The following ZNF385D variants were observed in gnomAD, a reference collection of about 807,000 sequenced individuals.
ZNF385D encodes the protein zinc finger protein 659.
Under a neutral mutation model 35.8 loss-of-function variants are expected in ZNF385D, and 15 were observed. That is an observed-to-expected ratio of 0.42 (90% CI 0.28 to 0.64). ZNF385D has a LOEUF of 0.64. Among genes scored for constraint, ZNF385D ranks in the 30% least tolerant of loss-of-function variants. The probability of loss-of-function intolerance (pLI) is 0.23; values close to 1 mark genes in which losing one functional copy is unlikely to be tolerated. For missense variants in ZNF385D, 474 were observed against 494.6 expected, an observed-to-expected ratio of 0.96 and a Z score of 0.39; for synonymous variants, 212 against 186.8, an observed-to-expected ratio of 1.13 and a Z score of -1.10.
At chr3:22,268,363 A>G (rs1010633442) in intron 2 of ZNF385D, among the ~76,000 whole-genome samples, 2 of 152,050 alleles carry the variant, frequency 1.3e-5, no homozygotes, top group African/African-American at 4.8e-5. Context: ...TTAATTATAA[A>G]TGTTATAGTA....
chr3:22,320,722 A>T (rs1575112998), intron 2 of ZNF385D, among the ~76,000 whole-genome samples: 1 of 151,430 alleles, frequency 6.6e-6, no homozygotes, highest in South Asian at 2.1e-4. Flanking sequence ...ACTTTCTTTG[A>T]GGAATATTAT....
chr3:22,184,239 T>C (rs1238473768), intron 2 of ZNF385D, among the ~76,000 whole-genome samples: 1 of 152,164 alleles, frequency 6.6e-6, no homozygotes. Context: ...TCCAATGCAA[T>C]AAATCCTGGC....
chr3:21,913,899 G>C (rs1003127411), intron 3 of ZNF385D, among the ~76,000 whole-genome samples: 13 of 152,182 alleles, frequency 8.5e-5, no homozygotes, highest in African/African-American at 3.1e-4. Context: ...TTTGTTGGTT[G>C]GTTATTTTTG....
intron 2 of ZNF385D, among the ~76,000 whole-genome samples, chr3:21,644,202 C>A (rs927640232): frequency 1.3e-5 from 2 of 152,124 alleles, no homozygotes; most frequent in African/African-American, 4.8e-5. Context: ...CACCAAACTT[C>A]TACATAAAGA....
intron 3 of ZNF385D, among the ~76,000 whole-genome samples, chr3:21,560,607 A>G (rs536039786): frequency 6.6e-6 from 1 of 152,282 alleles, no homozygotes; most frequent in Middle Eastern, 3.4e-3. Context: ...TCTCCCAATC[A>G]GGAGACATGG....
At chr3:21,640,524 G>A (rs1040244405) in intron 2 of ZNF385D, among the ~76,000 whole-genome samples, 5 of 152,052 alleles carry the variant, frequency 3.3e-5, no homozygotes, top group Non-Finnish European at 7.4e-5. Flanking sequence ...AATCAGGAGG[G>A]TGGAGCCCCC....
At chr3:21,545,239 T>C (rs995937324) in intron 3 of ZNF385D, among the ~76,000 whole-genome samples, 1 of 152,222 alleles carries the variant, frequency 6.6e-6, no homozygotes, top group Non-Finnish European at 1.5e-5. Context: ...GCTATAGAAC[T>C]TTAACAGGTG....
At chr3:22,247,615 T>TTTTATTTATTTA (rs71266432) in intron 2 of ZNF385D, among the ~76,000 whole-genome samples, 4,459 of 148,266 alleles carry the variant, frequency 0.03, 162 homozygotes, top group African/African-American at 0.074. Context: ...CATTTTACAA[T>TTTTATTTATTTA]TTTATTTATT....
intron 3 of ZNF385D, among the ~76,000 whole-genome samples, chr3:21,514,055 A>AT (rs1200750263): frequency 2.0e-5 from 3 of 151,972 alleles, no homozygotes; most frequent in Non-Finnish European, 2.9e-5. Flanking sequence ...TTACTGAGAG[A>AT]TTTTTTTAAA....
At chr3:22,102,989 T>C (rs1405765839) in intron 3 of ZNF385D, among the ~76,000 whole-genome samples, 2 of 150,088 alleles carry the variant, frequency 1.3e-5, no homozygotes, top group Admixed American at 6.7e-5. Flanking sequence ...ATTTTATATA[T>C]TATATACTGT....
chr3:21,956,408 A>G (rs986866518), intron 3 of ZNF385D, among the ~76,000 whole-genome samples: 8 of 147,588 alleles, frequency 5.4e-5, no homozygotes, highest in African/African-American at 2.0e-4. Context: ...AGATAAAGGT[A>G]TGTTTAAAAT....
intron 3 of ZNF385D, among the ~76,000 whole-genome samples, chr3:21,938,960 T>C (rs1452111209): frequency 7.9e-5 from 12 of 152,222 alleles, no homozygotes; most frequent in African/African-American, 2.9e-4. Flanking sequence ...CTGTGAAGTC[T>C]TCCAGTTCAA....
At chr3:21,806,391 G>A (rs764390378) in intron 3 of ZNF385D, among the ~76,000 whole-genome samples, 1 of 151,950 alleles carries the variant, frequency 6.6e-6, no homozygotes, top group Non-Finnish European at 1.5e-5. Flanking sequence ...ATTTTTAGTA[G>A]AGACGGGGTT....
chr3:21,666,359 C>T (rs2066407069), intron 1 of ZNF385D, among the ~76,000 whole-genome samples: 1 of 152,184 alleles, frequency 6.6e-6, no homozygotes, highest in Non-Finnish European at 1.5e-5. Flanking sequence ...CATCAGCTCT[C>T]CTGCTCCCAG....
intron 1 of ZNF385D, among the ~76,000 whole-genome samples, chr3:21,724,649 C>T (rs990462103): frequency 7.9e-5 from 12 of 151,856 alleles, no homozygotes; most frequent in East Asian, 3.9e-4. Flanking sequence ...TAAATATATA[C>T]GCACCCAGGA....
chr3:21,877,568 C>T (rs1169081841), intron 3 of ZNF385D, among the ~76,000 whole-genome samples: 2 of 151,974 alleles, frequency 1.3e-5, no homozygotes, highest in South Asian at 2.1e-4. Flanking sequence ...TGGAGAGCCT[C>T]GGAAATGGTT....
chr3:22,339,502 T>TA (rs1695326115), intron 2 of ZNF385D, among the ~76,000 whole-genome samples: 1 of 152,144 alleles, frequency 6.6e-6, no homozygotes, highest in Admixed American at 6.5e-5. Context: ...ATAAAGTACA[T>TA]ATGCAGTATA....
intron 3 of ZNF385D, among the ~76,000 whole-genome samples, chr3:21,964,330 G>T (rs548818454): frequency 8.3e-6 from 1 of 120,304 alleles, no homozygotes; most frequent in East Asian, 2.5e-4. Context: ...GAAAAAAAAA[G>T]AAAGAAAAAT....
At chr3:22,138,350 C>T (rs1207949799) in intron 3 of ZNF385D, among the ~76,000 whole-genome samples, 1 of 152,160 alleles carries the variant, frequency 6.6e-6, no homozygotes, top group Non-Finnish European at 1.5e-5. Flanking sequence ...ATAGAACCCG[C>T]ATTGCCAAGT....
Sources: allele counts gnomAD v4.1 joint callset (sites outside exome capture counted in the v4.1 genomes callset), GRCh38; gene constraint gnomAD v4.1.1; transcripts MANE v1.5; gene names NCBI Gene and HGNC (gene_info 2026-07-23, HGNC 2026-07-21).